Variants in BBX observed in about 807,000 individuals in gnomAD.
BBX encodes the protein BBX high mobility group box domain containing, also known as HMG box transcription factor BBX.
Under a neutral mutation model 100.2 loss-of-function variants are expected in BBX, and 30 were observed. The ratio of observed to expected loss-of-function variants is 0.30; its 90% CI spans 0.22 to 0.41. The LOEUF is 0.41. Among genes scored for constraint, BBX ranks in the 10% least tolerant of loss-of-function variants. The pLI is 1.00. For missense variants in BBX, 1,023 were observed against 1,129.8 expected (o/e 0.91, Z 1.35); for synonymous variants, 376 against 388.1 (o/e 0.97, Z 0.37).
In BBX at chr3:107,684,165, A is replaced by G. The variant is rs148606677; in HGVS notation, c.-9-26287A>G. Among the ~76,000 whole-genome samples, 614 of 152,298 alleles carry G rather than the reference A, an allele frequency of 4.0e-3. 4 individuals carry two copies. Among genetic ancestry groups the G allele is most frequent in the African/African-American group, 0.013 (551 of 41,562 alleles). On this transcript the variant is annotated intron_variant, in intron 3 of 17. Transcript: ENST00000325805. ...GCAGGTAAGAAACTATTTTTTAACAAATATTATAATGTGGTTGCTATTTAT... is the reference window on the plus strand; with the variant it reads ...GCAGGTAAGAAACTATTTTTTAACAGATATTATAATGTGGTTGCTATTTAT...
intron 3 of BBX, among the ~76,000 whole-genome samples, chr3:107,707,562 T>A (rs1180976966): frequency 6.6e-6 from 1 of 152,156 alleles, no homozygotes; most frequent in Non-Finnish European, 1.5e-5. Context: ...ATAATTATAA[T>A]TGAAGGGAAA....
chr3:107,573,058 A>G (rs1410621203), intron 2 of BBX, among the ~76,000 whole-genome samples: 1 of 152,244 alleles, frequency 6.6e-6, no homozygotes, highest in African/African-American at 2.4e-5. Context: ...CGTATTTACA[A>G]TAATTAACCT....
chr3:107,653,215 A>G (rs1384888287), intron 3 of BBX, among the ~76,000 whole-genome samples: 2 of 152,176 alleles, frequency 1.3e-5, no homozygotes, highest in East Asian at 3.9e-4. Flanking sequence ...GAGAGCTTAA[A>G]ATGCAACCAC....
chr3:107,548,775 T>C (rs1385394944), intron 2 of BBX, among the ~76,000 whole-genome samples: 1 of 152,196 alleles, frequency 6.6e-6, no homozygotes, highest in Non-Finnish European at 1.5e-5. Flanking sequence ...ACAGCAAATG[T>C]AGTACATATT....
intron 2 of BBX, among the ~76,000 whole-genome samples, chr3:107,616,347 GGA>G (rs1450034005): frequency 2.0e-5 from 3 of 151,988 alleles, no homozygotes; most frequent in African/African-American, 7.3e-5. Context: ...TGGACATTTT[GGA>G]AAAGGGTTAC....
At chr3:107,544,952 G>A (rs2049120591) in intron 2 of BBX, among the ~76,000 whole-genome samples, 1 of 151,858 alleles carries the variant, frequency 6.6e-6, no homozygotes, top group African/African-American at 2.4e-5. Context: ...GGGAGGTGGA[G>A]CTTGCAATGA....
intron 2 of BBX, among the ~76,000 whole-genome samples, chr3:107,634,957 A>T (rs1400876866): frequency 1.3e-5 from 2 of 152,184 alleles, no homozygotes; most frequent in Admixed American, 1.3e-4. Flanking sequence ...GTTTTTGATT[A>T]TGTGATGTTC....
chr3:107,745,372 A>G (rs1202331166), intron 8 of BBX, among the ~76,000 whole-genome samples: 1 of 152,158 alleles, frequency 6.6e-6, no homozygotes, highest in Non-Finnish European at 1.5e-5. Context: ...TGATCATTTG[A>G]ATTGTCTTTG....
intron 2 of BBX, among the ~76,000 whole-genome samples, chr3:107,607,755 C>T (rs1189299935): frequency 2.6e-5 from 4 of 152,256 alleles, no homozygotes; most frequent in Admixed American, 2.0e-4. Flanking sequence ...GCCATTTTAA[C>T]TGGGGTGAGA....
chr3:107,529,214 A>C (rs1462083448), intron 2 of BBX, among the ~76,000 whole-genome samples: 1 of 152,238 alleles, frequency 6.6e-6, no homozygotes, highest in Non-Finnish European at 1.5e-5. Context: ...AACGTGGCAT[A>C]CCTGTGCTTT....
intron 2 of BBX, among the ~76,000 whole-genome samples, chr3:107,631,144 C>T (rs975993217): frequency 1.3e-5 from 2 of 152,188 alleles, no homozygotes; most frequent in African/African-American, 4.8e-5. Flanking sequence ...GCTTGCTGCT[C>T]ATCCTAATCA....
intron 3 of BBX, among the ~76,000 whole-genome samples, chr3:107,687,422 GA>G (rs769700656): frequency 9.2e-5 from 14 of 151,856 alleles, no homozygotes; most frequent in African/African-American, 3.4e-4. Flanking sequence ...AGAGAATGGA[GA>G]GGGGGGAATG....
chr3:107,716,886 G>A (rs1042391143), intron 5 of BBX, 37 bp downstream of exon 5: 4 of 1,602,694 alleles, frequency 2.5e-6, no homozygotes, highest in Non-Finnish European at 3.4e-6. Context: ...ATAGCTAAAA[G>A]CAACCAGTCC....
intron 2 of BBX, among the ~76,000 whole-genome samples, chr3:107,563,998 G>A (rs894683368): frequency 2.0e-5 from 3 of 151,886 alleles, no homozygotes; most frequent in Admixed American, 6.6e-5. Context: ...CTTACCTGTG[G>A]TTTCACAGAG....
intron 3 of BBX, among the ~76,000 whole-genome samples, chr3:107,656,614 A>C (rs1211152002): frequency 2.6e-5 from 4 of 152,156 alleles, no homozygotes; most frequent in African/African-American, 9.6e-5. Flanking sequence ...ATCCCTCTTT[A>C]ATCTTTCTCC....
intron 2 of BBX, among the ~76,000 whole-genome samples, chr3:107,639,679 A>C (rs2057074393): frequency 6.6e-6 from 1 of 152,136 alleles, no homozygotes; most frequent in African/African-American, 2.4e-5. Context: ...CCACTTATGG[A>C]AACTGTAGAC....
chr3:107,546,133 G>A (rs550266053), intron 2 of BBX, among the ~76,000 whole-genome samples: 4 of 152,152 alleles, frequency 2.6e-5, no homozygotes, highest in Non-Finnish European at 2.9e-5. Flanking sequence ...TTCCTAGCTC[G>A]GACTCATTAG....
chr3:107,672,837 G>C (rs548232192), intron 3 of BBX, among the ~76,000 whole-genome samples: 1 of 152,130 alleles, frequency 6.6e-6, no homozygotes, highest in South Asian at 2.1e-4. Flanking sequence ...TTTATCCTTT[G>C]TGAAGAGTGT....
chr3:107,652,723 A>C (rs2107815120), intron 3 of BBX, among the ~76,000 whole-genome samples: 1 of 152,306 alleles, frequency 6.6e-6, no homozygotes, highest in South Asian at 2.1e-4. Context: ...ATTATAGAGA[A>C]GTGTGTTTTC....
Sources: allele counts gnomAD v4.1 joint callset (sites outside exome capture counted in the v4.1 genomes callset), GRCh38; gene constraint gnomAD v4.1.1; transcripts MANE v1.5; gene names NCBI Gene and HGNC (gene_info 2026-07-23, HGNC 2026-07-21).